Variants in ZNF737 observed in about 807,000 individuals in gnomAD.
ZNF737 encodes the protein zinc finger protein 737, also known as zinc finger protein 102 (Y3).
ZNF737 carries 13 observed loss-of-function variants against 11.7 expected under a neutral mutation model. The ratio of observed to expected loss-of-function variants is 1.11; its 90% CI spans 0.73 to 1.77. The LOEUF is 1.77. Ranked by LOEUF, ZNF737 falls within the 40% of genes most tolerant of loss-of-function variation. The pLI, the probability that ZNF737 is intolerant of heterozygous loss-of-function variation, is 0.00. For missense variants in ZNF737, 636 were observed against 638.0 expected, an observed-to-expected ratio of 1.00 and a Z score of 0.03; for synonymous variants, 217 against 216.2, an observed-to-expected ratio of 1.00 and a Z score of -0.03.
Position 20,541,902 on chromosome 19 carries a change from A to G in ZNF737, c.*2690T>C, listed in dbSNP as rs1555755187. The G allele has an allele frequency of 2.1e-6, 1 of 468,034 alleles. No homozygotes were observed. The highest frequency in any genetic ancestry group is 1.5e-4 in the East Asian group (1 of 6,494). The allele number at this position is 468,034 out of a possible 1,614,324, so 29.0% of individuals were successfully genotyped here. ...ATTTACCATAATGTAATTACTACAT[A>G]TTGTAGGCCTGAGTCAAAAGATGCC... On this transcript the variant is annotated 3_prime_UTR_variant, in exon 4 of 4. Coordinates refer to ENST00000427401, the MANE Select transcript of ZNF737 (RefSeq NM_001159293.2).
At position 20,544,991 on chromosome 19, in the gene ZNF737, T is replaced by C. The variant is rs368412259; in HGVS notation, c.1212A>G (p.Glu404=). Residue 404 remains glutamate, a synonymous_variant, in exon 4 of 4, where the codon GAA becomes GAG. Coordinates refer to ENST00000427401, the MANE Select transcript of ZNF737 (RefSeq NM_001159293.2). ...TAAGGGAAGAGGAGTACTTAAAGGC[T>C]TCGCCACATTCTTCACATTTGTAGG... is the stretch of plus-strand genomic sequence containing the variant. The part of the protein sequence containing the change: ...EKPYKCEECG[E]AFKYSSSLTT... 7 of 1,611,714 alleles carry C rather than the reference T, an allele frequency of 4.3e-6. No homozygotes were observed. Among genetic ancestry groups the C allele is most frequent in the African/African-American group, 1.3e-5 (1 of 74,184 alleles).
At chr19:20,555,826 C>CT (rs144778054) in intron 1 of ZNF737, among the ~76,000 whole-genome samples, 77 of 148,880 alleles carry the variant, frequency 5.2e-4, no homozygotes, top group South Asian at 1.7e-3. Flanking sequence ...AAAGAAAAGC[C>CT]TTTTTTTTTT....
Position 20,545,963 on chromosome 19 carries a change from A to G in ZNF737, c.240T>C (p.His80=). The part of the protein sequence containing the change: ...MVANPSVTCS[H]FARDLWPEQS... The stretch of plus-strand genomic sequence containing the variant: ...GCTCTGGCCAAAGATCTCGGGCAAA[A>G]TGAGAACACGTAACTGAAAGAAACA... Residue 80 remains histidine, a synonymous_variant, in exon 4 of 4, where the codon CAT becomes CAC. Coordinates refer to ENST00000427401, the MANE Select transcript of ZNF737 (RefSeq NM_001159293.2). 6.5e-7 allele frequency: 1 copy of G among 1,548,056 alleles called. No homozygotes were observed. The highest frequency in any genetic ancestry group is 1.3e-5 in the South Asian group (1 of 78,632).
rs182384722 is a variant in ZNF737 at position 20,539,173 on chromosome 19, C to T, written c.*5419G>A. On this transcript the variant is annotated 3_prime_UTR_variant, in exon 4 of 4. Transcript: ENST00000427401. Reference sequence around the variant, plus strand: ...GGCATAATGGCGGGTGCCTGTTATCCCAGCTACTCAGGAGGCTGAGGCGGA... The same window carrying T: ...GGCATAATGGCGGGTGCCTGTTATCTCAGCTACTCAGGAGGCTGAGGCGGA... The T allele has an allele frequency of 3.3e-6, 2 of 609,158 alleles. No individual in the cohort carries two copies. The highest frequency in any genetic ancestry group is 4.1e-6 in the Non-Finnish European group (2 of 486,836). The allele number at this position is 609,158 out of a possible 1,614,324, so 37.7% of individuals were successfully genotyped here. A position where few individuals can be genotyped will look rare whatever the true frequency, so the allele number is the denominator to read the frequency against.
chr19:20,538,241 C>T lies in ZNF737; in HGVS notation c.*6351G>A, dbSNP rs1265102599. 6.3e-6 allele frequency: 1 copy of T among 159,136 alleles called. No homozygotes were observed. Among genetic ancestry groups the T allele is most frequent in the Non-Finnish European group, 1.3e-5 (1 of 74,408 alleles). The allele number at this position is 159,136 out of a possible 1,614,324, so 9.9% of individuals were successfully genotyped here. A position where few individuals can be genotyped will look rare whatever the true frequency, so the allele number is the denominator to read the frequency against. On this transcript the variant is annotated 3_prime_UTR_variant, in exon 4 of 4. Transcript: ENST00000427401. ...TCAATGTACTTTATGTTCTTAGCTC[C>T]CACAATTTAGCCTAAATATTTGCCC...
chr19:20,532,313 T>C (rs1164427710), downstream of ZNF737, among the ~76,000 whole-genome samples: 1 of 150,244 alleles, frequency 6.7e-6, no homozygotes, highest in African/African-American at 2.5e-5. Context: ...CTAATTTGCT[T>C]AATTTATCTC....
At chr19:20,548,983 ATT>A (rs1555757696) in intron 3 of ZNF737, among the ~76,000 whole-genome samples, 2,641 of 137,488 alleles carry the variant, frequency 0.019, 109 homozygotes, top group African/African-American at 0.063. Context: ...AAAAAAAACA[ATT>A]ATGTATCTTT....
intron 1 of ZNF737, among the ~76,000 whole-genome samples, chr19:20,565,026 C>T (rs1167973240): frequency 6.6e-6 from 1 of 151,130 alleles, no homozygotes; most frequent in East Asian, 2.0e-4. Context: ...CATCCACCTC[C>T]GGAGTTCAAG....
downstream of ZNF737, among the ~76,000 whole-genome samples, chr19:20,536,317 A>G (rs1412557093): frequency 6.6e-6 from 1 of 152,222 alleles, no homozygotes; most frequent in Non-Finnish European, 1.5e-5. Context: ...TTTTGTCAAT[A>G]TAAGTAAAAA....
intron 3 of ZNF737, chr19:20,551,298 GAGCACCAGTAATCCCAGCTACCC>G (rs1359007731): frequency 2.6e-5 from 4 of 151,804 alleles, no homozygotes; most frequent in African/African-American, 9.7e-5. Flanking sequence ...GTGTTGTGGT[GAGCACCAGTAATCCCAGCTACCC>G]AGCAGGCTGA....
At position 20,538,623 on chromosome 19, in the gene ZNF737, CCAGAGAA is replaced by C; in HGVS notation, c.*5962_*5968del. The C allele has an allele frequency of 2.0e-6, 2 of 981,112 alleles. No individual in the cohort carries two copies. Among genetic ancestry groups the C allele is most frequent in the Non-Finnish European group, 2.4e-6 (2 of 826,026 alleles). 60.8% of individuals were successfully genotyped at this position (981,112 alleles called of 1,614,324 possible). Reference sequence around the variant, plus strand: ...TTTCAAGTGCTATTTCTTTACAGCTCCAGAGAACAAACATTTCTAAAACCATTATGGA... The same window carrying C: ...TTTCAAGTGCTATTTCTTTACAGCTCCAAACATTTCTAAAACCATTATGGA... On this transcript the variant is annotated 3_prime_UTR_variant, in exon 4 of 4. Coordinates refer to ENST00000427401, the MANE Select transcript of ZNF737 (RefSeq NM_001159293.2).
Position 20,542,065 on chromosome 19 carries a change from A to G in ZNF737, c.*2527T>C, listed in dbSNP as rs1258158816. The G allele has an allele frequency of 8.1e-6, 8 of 985,204 alleles. No individual in the cohort carries two copies. The highest frequency in any genetic ancestry group is 8.4e-6 in the Non-Finnish European group (7 of 829,744). The allele number at this position is 985,204 out of a possible 1,614,324, so 61.0% of individuals were successfully genotyped here. ...TTTAAAGCCACTGACAGTGATTACT[A>G]AAGATGTTATTTTACAATGTATGAA... On this transcript the variant is annotated 3_prime_UTR_variant, in exon 4 of 4. Transcript: ENST00000427401.
In ZNF737 at chr19:20,545,795, A is replaced by G; in HGVS notation, c.408T>C (p.Tyr136=). ...HKRGYNGLNQ[Y]LTTTQSKIFQ... ...ATATTTTGCTTTGAGTAGTTGTCAA[A>G]TATTGGTTAAGTCCATTATAACCTC... The change falls in exon 4 of 4, where the codon TAT becomes TAC. Residue 136 remains tyrosine, a synonymous_variant. Coordinates refer to ENST00000427401, the MANE Select transcript of ZNF737 (RefSeq NM_001159293.2). 1 of 1,613,144 alleles carries G rather than the reference A, an allele frequency of 6.2e-7. No homozygotes were observed.
At chr19:20,534,210 G>A (rs1332228130), downstream of ZNF737, among the ~76,000 whole-genome samples, 3 of 150,198 alleles carry the variant, frequency 2.0e-5, no homozygotes, top group Non-Finnish European at 4.4e-5. Flanking sequence ...GGGAGGCCGA[G>A]TCAGGCAGAT....
chr19:20,557,220 CTTTA>C (rs782757270), intron 1 of ZNF737, among the ~76,000 whole-genome samples: 1 of 152,134 alleles, frequency 6.6e-6, no homozygotes, highest in Non-Finnish European at 1.5e-5. Context: ...AAAATACATA[CTTTA>C]TTTATCCCAT....
In ZNF737 at chr19:20,553,836, C is replaced by G; in HGVS notation, c.4-1G>C. ...CCACGTCTCTAAATTGCAATGGCCC[C>G]TGAAACACACACACAACATACGTTT... On this transcript the variant is annotated splice_acceptor_variant, in intron 1 of 3. Coordinates refer to ENST00000427401, the MANE Select transcript of ZNF737 (RefSeq NM_001159293.2). LOFTEE classifies it high-confidence loss of function. 1 of 1,612,410 alleles carries G rather than the reference C, an allele frequency of 6.2e-7. No homozygotes were observed. The highest frequency in any genetic ancestry group is 8.5e-7 in the Non-Finnish European group (1 of 1,179,538).
In ZNF737 at chr19:20,542,593, C is replaced by T; in HGVS notation, c.*1999G>A. The T allele has an allele frequency of 1.0e-6, 1 of 972,960 alleles. No individual in the cohort carries two copies. The highest frequency in any genetic ancestry group is 1.2e-6 in the Non-Finnish European group (1 of 818,870). 60.3% of individuals were successfully genotyped at this position (972,960 alleles called of 1,614,324 possible). A position where few individuals can be genotyped will look rare whatever the true frequency, so the allele number is the denominator to read the frequency against. Reference sequence around the variant, plus strand: ...AAAGTACAAGTAGTAAAGTAATATACTCATTTATTTTAATATACTTTTAAT... The same window carrying T: ...AAAGTACAAGTAGTAAAGTAATATATTCATTTATTTTAATATACTTTTAAT... On this transcript the variant is annotated 3_prime_UTR_variant, in exon 4 of 4. Transcript: ENST00000427401.
chr19:20,537,709 G>T (rs1296138385), downstream of ZNF737, among the ~76,000 whole-genome samples: 2 of 150,772 alleles, frequency 1.3e-5, no homozygotes, highest in African/African-American at 2.4e-5. Flanking sequence ...TAGAGATGGG[G>T]TTTCACCATG....
chr19:20,542,800 C>T lies in ZNF737; in HGVS notation c.*1792G>A. On this transcript the variant is annotated 3_prime_UTR_variant, in exon 4 of 4. Transcript: ENST00000427401. ...CAAATAATGTAAAAAAATCGAATAT[C>T]TCTGATGCAGAAGCCACTGATCACA... 1 of 985,232 alleles carries T rather than the reference C, an allele frequency of 1.0e-6. No individual in the cohort carries two copies. The highest frequency in any genetic ancestry group is 1.2e-6 in the Non-Finnish European group (1 of 829,846). The allele number at this position is 985,232 out of a possible 1,614,324, so 61.0% of individuals were successfully genotyped here. A position where few individuals can be genotyped will look rare whatever the true frequency, so the allele number is the denominator to read the frequency against.
Sources: allele counts gnomAD v4.1 joint callset (sites outside exome capture counted in the v4.1 genomes callset), GRCh38; gene constraint gnomAD v4.1.1; transcripts MANE v1.5; gene names NCBI Gene and HGNC (gene_info 2026-07-23, HGNC 2026-07-21).